Variants in APIP observed in about 807,000 individuals in gnomAD.
The protein encoded by APIP is APAF1 interacting protein.
In APIP, 32 loss-of-function variants were observed where a neutral mutation model predicts 32.0. The observed-to-expected ratio is 1.00, with a 90% CI of 0.76 to 1.34. The LOEUF is 1.34. Among genes scored for constraint, APIP ranks in the 40% most tolerant of loss-of-function variants. The pLI is 0.00. For missense variants in APIP, 247 were observed against 298.6 expected (o/e 0.83, Z 1.27); for synonymous variants, 92 against 94.8 (o/e 0.97, Z 0.17).
At chr11:34,905,254 C>T (rs190491227) in intron 1 of APIP, among the ~76,000 whole-genome samples, 191 of 152,164 alleles carry the variant, frequency 1.3e-3, no homozygotes, top group African/African-American at 4.3e-3. Context: ...CTTAGTAATA[C>T]ATCACACCCT....
rs139950539 is a variant in APIP, at chr11:34,886,287, G to A, written c.461+2006C>T. On this transcript the variant is annotated intron_variant, in intron 5 of 6. Coordinates refer to ENST00000395787, the MANE Select transcript of APIP (RefSeq NM_015957.4). ...CCTGTGTACTCCTAGGCTAATATAT[G>A]TGTTTGTGTCTCAGATTTTAACAAA... Among the ~76,000 whole-genome samples, 213 of 151,630 alleles carry A rather than the reference G, an allele frequency of 1.4e-3. 1 individual carries two copies. The highest frequency in any genetic ancestry group is 2.4e-3 in the Non-Finnish European group (163 of 67,944).
At chr11:34,904,271 G>C (rs898121032) in intron 1 of APIP, among the ~76,000 whole-genome samples, 6 of 152,118 alleles carry the variant, frequency 3.9e-5, no homozygotes, top group African/African-American at 1.4e-4. Context: ...AGTGACAATG[G>C]GCCCTTGTTT....
At chr11:34,900,671 C>T (rs999347938) in intron 1 of APIP, among the ~76,000 whole-genome samples, 1 of 151,906 alleles carries the variant, frequency 6.6e-6, no homozygotes, top group African/African-American at 2.4e-5. Flanking sequence ...TGTAGCAAAC[C>T]GAGGAGACAA....
chr11:34,916,193 C>T (rs1853684483), intron 1 of APIP, 35 bp downstream of exon 1: 1 of 1,600,070 alleles, frequency 6.2e-7, no homozygotes, highest in Non-Finnish European at 8.5e-7. Context: ...GCCTCTCCTC[C>T]TGGGAATACC....
chr11:34,909,656 G>A (rs1432026683), intron 1 of APIP, among the ~76,000 whole-genome samples: 1 of 152,152 alleles, frequency 6.6e-6, no homozygotes, highest in African/African-American at 2.4e-5. Flanking sequence ...GTTGGCTAGA[G>A]CAGAGTGAGG....
chr11:34,904,762 TAA>T (rs752486712), intron 1 of APIP, among the ~76,000 whole-genome samples: 5 of 152,132 alleles, frequency 3.3e-5, no homozygotes, highest in Admixed American at 6.5e-5. Flanking sequence ...CCCTAGGCAA[TAA>T]AAGTTACAGG....
chr11:34,894,049 T>C (rs1222207643), intron 2 of APIP, among the ~76,000 whole-genome samples: 1 of 152,190 alleles, frequency 6.6e-6, no homozygotes, highest in Non-Finnish European at 1.5e-5. Flanking sequence ...TAATCCTGTA[T>C]TGGAAATCCT....
At position 34,883,842 on chromosome 11, in the gene APIP, G is replaced by T. The variant is rs1853013863; in HGVS notation, c.462-338C>A. ...ATATTTATACAAGGAGATGGCAAAT[G>T]ATATATTTCAGAATCAGAAGCATAG... On this transcript the variant is annotated intron_variant, in intron 5 of 6. Transcript: ENST00000395787. 2.0e-5 allele frequency among the ~76,000 whole-genome samples: 3 copies of T among 152,268 alleles called. No individual in the cohort carries two copies. The South Asian group carries it at 6.2e-4, about 32-fold the overall frequency.
intron 1 of APIP, chr11:34,896,735 A>ACAG (rs1179539718): frequency 1.6e-6 from 2 of 1,240,970 alleles, no homozygotes; most frequent in Non-Finnish European, 2.1e-6. Context: ...AGCAACAACA[A>ACAG]CAACAACAAA....
chr11:34,904,313 C>T (rs558009237), intron 1 of APIP, among the ~76,000 whole-genome samples: 10 of 152,310 alleles, frequency 6.6e-5, no homozygotes, highest in African/African-American at 2.4e-4. Context: ...GTCTCAAAAG[C>T]ACTAGGCATA....
chr11:34,888,789 C>T lies in APIP; in HGVS notation c.288G>A (p.Gln96=). 6.6e-7 allele frequency: 1 copy of T among 1,520,186 alleles called. No individual in the cohort carries two copies. Among genetic ancestry groups the T allele is most frequent in the South Asian group, 1.4e-5 (1 of 72,912 alleles). 94.2% of individuals were successfully genotyped at this position (1,520,186 alleles called of 1,614,324 possible). A position where few individuals can be genotyped will look rare whatever the true frequency, so the allele number is the denominator to read the frequency against. ...AAGCATTCATGAAAAGAGGAGTACA[C>T]TGGCTTTTTTTTAGCTTCTTCGATG... The part of the protein sequence containing the change: ...PSPSKKLKKS[Q]CTPLFMNAYT... Residue 96 remains glutamine, a synonymous_variant, in exon 4 of 7, where the codon CAG becomes CAA. Transcript: ENST00000395787.
intron 2 of APIP, among the ~76,000 whole-genome samples, chr11:34,891,654 T>C (rs1238486577): frequency 3.3e-5 from 5 of 152,176 alleles, no homozygotes; most frequent in African/African-American, 7.2e-5. Flanking sequence ...GTTCCACTGA[T>C]AAAGTCTAGA....
chr11:34,890,613 G>T (rs774491575), intron 2 of APIP, 61 bp from the exon 3 acceptor site: 9 of 1,559,992 alleles, frequency 5.8e-6, no homozygotes, highest in Middle Eastern at 1.7e-4. Context: ...ACAAAGAAAA[G>T]TTTGCAGTCC....
chr11:34,906,033 T>C (rs1853447042), intron 1 of APIP, among the ~76,000 whole-genome samples: 1 of 152,230 alleles, frequency 6.6e-6, no homozygotes, highest in South Asian at 2.1e-4. Context: ...GTAAATATTG[T>C]AAATATGGAT....
At chr11:34,898,850 G>A (rs1487019907) in intron 1 of APIP, among the ~76,000 whole-genome samples, 7 of 139,664 alleles carry the variant, frequency 5.0e-5, no homozygotes, top group African/African-American at 1.6e-4. Flanking sequence ...CCAGGCTGGA[G>A]TGCAGTGACG....
Position 34,895,057 on chromosome 11 carries a change from A to G in APIP, c.111T>C (p.His37=), listed in dbSNP as rs148171361. 4 of 1,614,156 alleles carry G rather than the reference A, an allele frequency of 2.5e-6. No homozygotes were observed. Among genetic ancestry groups the G allele is most frequent in the Non-Finnish European group, 3.4e-6 (4 of 1,180,012 alleles). ...LIPELCKQFY[H]LGWVTGTGGG... ...CTCCAGTCCCAGTGACCCAGCCTAA[A>G]TGGTAAAACTGTTTGCAAAGTTCTG... Residue 37 remains histidine (H), a synonymous_variant, in exon 2 of 7, where the codon CAT becomes CAC. Coordinates refer to ENST00000395787, the MANE Select transcript of APIP (RefSeq NM_015957.4).
intron 4 of APIP, 103 bp downstream of exon 4, chr11:34,888,649 A>T: frequency 8.7e-7 from 1 of 1,151,952 alleles, no homozygotes; most frequent in Non-Finnish European, 1.2e-6. Flanking sequence ...AAGTTCTTGC[A>T]CATGGTGGGT....
At chr11:34,916,108 C>T (rs1340739876) in intron 1 of APIP, 120 bp downstream of exon 1, 11 of 1,360,408 alleles carry the variant, frequency 8.1e-6, no homozygotes, top group Admixed American at 2.2e-5. Flanking sequence ...AACGGCCAGG[C>T]CCGAAACCCC....
intron 1 of APIP, among the ~76,000 whole-genome samples, chr11:34,910,150 C>CAAT (rs1228331411): frequency 6.6e-6 from 1 of 152,134 alleles, no homozygotes; most frequent in Non-Finnish European, 1.5e-5. Flanking sequence ...CAAAGTTGTG[C>CAAT]AATATTCTCC....
Sources: allele counts gnomAD v4.1 joint callset (sites outside exome capture counted in the v4.1 genomes callset), GRCh38; gene constraint gnomAD v4.1.1; transcripts MANE v1.5; gene names NCBI Gene and HGNC (gene_info 2026-07-23, HGNC 2026-07-21).